The following MMP26 variants were observed in gnomAD, a reference collection of about 807,000 sequenced individuals.
MMP26 encodes the protein matrix metalloproteinase-26.
Under a neutral mutation model 31.0 loss-of-function variants are expected in MMP26, and 33 were observed. The observed-to-expected ratio is 1.06, with a 90% confidence interval of 0.81 to 1.42. The LOEUF is 1.42. Ranked by LOEUF, MMP26 falls within the 40% of genes most tolerant of loss-of-function variation. The pLI is 0.00. For missense variants in MMP26, 347 were observed against 316.1 expected, an observed-to-expected ratio of 1.10 and a Z score of -0.74; for synonymous variants, 122 against 114.9, an observed-to-expected ratio of 1.06 and a Z score of -0.40.
At chr11:4,842,061 T>C (rs773419324) in intron 2 of MMP26, among the ~76,000 whole-genome samples, 1 of 152,168 alleles carries the variant, frequency 6.6e-6, no homozygotes, top group Non-Finnish European at 1.5e-5. Flanking sequence ...ACACTATAAC[T>C]GTGGTGTGTA....
At chr11:4,821,426 C>G in intron 2 of MMP26, 1 of 1,613,812 alleles carries the variant, frequency 6.2e-7, no homozygotes, top group South Asian at 1.1e-5. Flanking sequence ...TTCCCTATGT[C>G]GGTCCTCAAT....
intron 2 of MMP26, among the ~76,000 whole-genome samples, chr11:4,810,817 A>T (rs557037226): frequency 6.6e-6 from 1 of 152,356 alleles, no homozygotes; most frequent in Admixed American, 6.5e-5. Flanking sequence ...TCAGTACCGA[A>T]TCCAGATTTT....
intron 1 of MMP26, among the ~76,000 whole-genome samples, chr11:4,743,788 T>G (rs903746480): frequency 1.3e-5 from 2 of 152,156 alleles, no homozygotes; most frequent in African/African-American, 2.4e-5. Flanking sequence ...ATGAGTCAAA[T>G]TCAATTTTTG....
intron 2 of MMP26, among the ~76,000 whole-genome samples, chr11:4,861,265 A>G (rs1317518143): frequency 1.3e-5 from 2 of 150,396 alleles, no homozygotes; most frequent in Non-Finnish European, 3.0e-5. Context: ...ATACATATAG[A>G]TACATATACA....
intron 1 of MMP26, among the ~76,000 whole-genome samples, chr11:4,732,174 G>A (rs560527539): frequency 2.6e-5 from 4 of 152,040 alleles, no homozygotes; most frequent in African/African-American, 7.2e-5. Context: ...TCCACTTCTC[G>A]TTCGATATTC....
chr11:4,942,486 G>C (rs961891941), intron 2 of MMP26, among the ~76,000 whole-genome samples: 1 of 151,838 alleles, frequency 6.6e-6, no homozygotes, highest in Admixed American at 6.6e-5. Context: ...TTGACCTTTA[G>C]GCTTACTGCT....
intron 2 of MMP26, among the ~76,000 whole-genome samples, chr11:4,816,697 CTTTTTTTTTTTT>C (rs747753151): frequency 1.8e-4 from 14 of 79,392 alleles, no homozygotes; most frequent in Non-Finnish European, 2.4e-4. Context: ...TGGGTGCCTT[CTTTTTTTTTTTT>C]TTTTTTTTTT....
chr11:4,770,087 T>G, intron 2 of MMP26: 1 of 584,420 alleles, frequency 1.7e-6, no homozygotes, highest in Non-Finnish European at 3.1e-6. Flanking sequence ...ATTATAATGT[T>G]CATCTACCAC....
At chr11:4,748,408 A>T (rs1050494652) in intron 1 of MMP26, among the ~76,000 whole-genome samples, 1 of 152,068 alleles carries the variant, frequency 6.6e-6, no homozygotes, top group Admixed American at 6.6e-5. Flanking sequence ...TGTTCCAAAA[A>T]ATCAAGGAGG....
At chr11:4,773,261 C>G (rs144575462) in intron 2 of MMP26, among the ~76,000 whole-genome samples, 12 of 152,230 alleles carry the variant, frequency 7.9e-5, no homozygotes, top group African/African-American at 2.4e-4. Flanking sequence ...GCAAAGTTGA[C>G]AGGATATCAT....
At chr11:4,891,283 G>A (rs1273411925) in intron 2 of MMP26, among the ~76,000 whole-genome samples, 2 of 152,064 alleles carry the variant, frequency 1.3e-5, no homozygotes, top group Non-Finnish European at 1.5e-5. Flanking sequence ...GCCTCAGGGA[G>A]CTTTTATTCA....
intron 4 of MMP26, 30 bp from the exon 5 acceptor site, chr11:4,990,568 A>G: frequency 6.3e-7 from 1 of 1,598,298 alleles, no homozygotes; most frequent in Non-Finnish European, 8.5e-7. Flanking sequence ...ATTCCTCTGA[A>G]CTATTTCATT....
intron 2 of MMP26, among the ~76,000 whole-genome samples, chr11:4,985,325 A>G (rs1846870352): frequency 6.6e-6 from 1 of 152,200 alleles, no homozygotes; most frequent in South Asian, 2.1e-4. Flanking sequence ...CATAATTTAC[A>G]AAGTTGATAG....
intron 2 of MMP26, among the ~76,000 whole-genome samples, chr11:4,904,207 G>A (rs1185629352): frequency 6.6e-6 from 1 of 152,020 alleles, no homozygotes; most frequent in Non-Finnish European, 1.5e-5. Context: ...TAACTCTGAG[G>A]TAGATACCAT....
At chr11:4,938,609 A>G (rs1037862053) in intron 2 of MMP26, among the ~76,000 whole-genome samples, 2 of 152,180 alleles carry the variant, frequency 1.3e-5, no homozygotes, top group African/African-American at 4.8e-5. Flanking sequence ...TCCTTTGACT[A>G]CATGAAAATA....
chr11:4,914,781 T>A, intron 2 of MMP26: 9 of 1,613,870 alleles, frequency 5.6e-6, no homozygotes, highest in Non-Finnish European at 7.6e-6. Context: ...CTGTAGACAA[T>A]GGGATTCATC....
intron 2 of MMP26, among the ~76,000 whole-genome samples, chr11:4,777,051 G>T (rs181151604): frequency 1.6e-4 from 25 of 152,260 alleles, no homozygotes; most frequent in East Asian, 7.7e-4. Flanking sequence ...AAATACAAGG[G>T]TACTAGGACA....
chr11:4,913,678 A>AT (rs1851027045), intron 2 of MMP26: 1 of 152,080 alleles, frequency 6.6e-6, no homozygotes, highest in Non-Finnish European at 1.5e-5. Flanking sequence ...ACTTCACCTC[A>AT]TTTTTCTTAA....
chr11:4,912,666 A>G (rs1340242824), intron 2 of MMP26: 1 of 142,564 alleles, frequency 7.0e-6, no homozygotes, highest in Non-Finnish European at 1.5e-5. Flanking sequence ...ATGTTGGAAT[A>G]TTGAGCCTTA....
Sources: allele counts gnomAD v4.1 joint callset (sites outside exome capture counted in the v4.1 genomes callset), GRCh38; gene constraint gnomAD v4.1.1; transcripts MANE v1.5; gene names NCBI Gene and HGNC (gene_info 2026-07-23, HGNC 2026-07-21).